DPH6: variants seen among roughly 807,000 people sequenced by gnomAD.
DPH6 encodes the protein diphthine--ammonia ligase.
DPH6 carries 33 observed loss-of-function variants against 38.2 expected under a neutral mutation model. That is an observed-to-expected ratio of 0.86 (90% CI 0.65 to 1.15). The LOEUF (loss-of-function observed/expected upper bound fraction) is 1.15. Among genes scored for constraint, DPH6 ranks in the 50% most tolerant of loss-of-function variants. The pLI is 0.00. For synonymous variants in DPH6, 108 were observed against 103.0 expected (o/e 1.05, Z -0.30); for missense variants, 325 against 320.0 (o/e 1.02, Z -0.12).
chr15:35,390,371 T>G (rs559437787), intron 6 of DPH6, among the ~76,000 whole-genome samples: 8 of 152,160 alleles, frequency 5.3e-5, no homozygotes, highest in Admixed American at 2.0e-4. Context: ...TGTATTTCCT[T>G]AATTTGAATG....
At chr15:35,445,675 T>C (rs1323639912) in intron 5 of DPH6, among the ~76,000 whole-genome samples, 2 of 152,176 alleles carry the variant, frequency 1.3e-5, no homozygotes, top group Admixed American at 6.5e-5. Context: ...TTATAAAAGG[T>C]TGAAATTTAT....
At chr15:35,257,499 T>C (rs1469881015) in intron 3 of DPH6, among the ~76,000 whole-genome samples, 2 of 152,118 alleles carry the variant, frequency 1.3e-5, no homozygotes, top group Admixed American at 1.3e-4. Flanking sequence ...TAATAATATG[T>C]TGTTGAGGGA....
chr15:35,303,303 T>G (rs1039402477), intron 3 of DPH6, among the ~76,000 whole-genome samples: 2 of 151,834 alleles, frequency 1.3e-5, no homozygotes, highest in African/African-American at 4.8e-5. Context: ...ATGAAAGTAA[T>G]ACAATTTATT....
chr15:35,158,354 T>C, the DPH6 span, among the ~76,000 whole-genome samples: 1 of 152,136 alleles, frequency 6.6e-6, no homozygotes, highest in East Asian at 1.9e-4. Flanking sequence ...TCAACAAAAT[T>C]ACATTTGCTA....
intron 3 of DPH6, among the ~76,000 whole-genome samples, chr15:35,259,122 G>A (rs375017079): frequency 2.0e-5 from 3 of 148,316 alleles, no homozygotes; most frequent in Non-Finnish European, 3.0e-5. Context: ...TCCAGCCTGG[G>A]GGACACAGCA....
chr15:35,164,266 C>G, the DPH6 span, among the ~76,000 whole-genome samples: 3 of 151,734 alleles, frequency 2.0e-5, no homozygotes, highest in East Asian at 5.8e-4. Flanking sequence ...TTTATCAGGG[C>G]CAAATTTAGC....
intron 3 of DPH6, chr15:35,298,603 C>T (rs2052031301): frequency 1.2e-5 from 10 of 839,336 alleles, no homozygotes; most frequent in East Asian, 7.2e-5. Context: ...CATCTTTCTC[C>T]GTGGCGTCAC....
chr15:35,158,255 G>A, the DPH6 span, among the ~76,000 whole-genome samples: 1 of 152,068 alleles, frequency 6.6e-6, no homozygotes, highest in South Asian at 2.1e-4. Flanking sequence ...GCTACCACTT[G>A]AATGAACTAA....
chr15:35,169,995 G>A, the DPH6 span, among the ~76,000 whole-genome samples: 3 of 152,104 alleles, frequency 2.0e-5, no homozygotes, highest in Non-Finnish European at 2.9e-5. Flanking sequence ...GAATTCAAAT[G>A]CACCTATAGC....
chr15:35,387,504 C>T (rs553809866), intron 6 of DPH6, among the ~76,000 whole-genome samples: 2 of 152,178 alleles, frequency 1.3e-5, no homozygotes, highest in Non-Finnish European at 2.9e-5. Flanking sequence ...TGTTTGTATC[C>T]TCTTTTATTT....
chr15:35,306,657 T>C (rs2052094331), intron 3 of DPH6, among the ~76,000 whole-genome samples: 1 of 152,262 alleles, frequency 6.6e-6, no homozygotes, highest in Non-Finnish European at 1.5e-5. Context: ...TTTGGGGCCT[T>C]ACATAACCTC....
chr15:35,538,698 A>G, intron 2 of DPH6, among the ~76,000 whole-genome samples: 1 of 152,196 alleles, frequency 6.6e-6, no homozygotes, highest in South Asian at 2.1e-4. Flanking sequence ...TTACAAATAC[A>G]AATGTATTAA....
intron 6 of DPH6, among the ~76,000 whole-genome samples, chr15:35,393,160 A>C (rs1301848087): frequency 6.6e-6 from 1 of 152,184 alleles, no homozygotes; most frequent in Non-Finnish European, 1.5e-5. Context: ...GTAAGTCTAG[A>C]AGCAAAAAGA....
chr15:35,468,574 G>A (rs140208909), intron 3 of DPH6, among the ~76,000 whole-genome samples: 7 of 152,194 alleles, frequency 4.6e-5, no homozygotes, highest in Non-Finnish European at 8.8e-5. Context: ...TGGGGTGGGG[G>A]TCAAGACTAA....
At chr15:35,528,455 A>G (rs567611190) in intron 3 of DPH6, among the ~76,000 whole-genome samples, 1 of 152,308 alleles carries the variant, frequency 6.6e-6, no homozygotes, top group East Asian at 1.9e-4. Flanking sequence ...AAGGTACCTT[A>G]TATAGACTTT....
At chr15:35,417,060 A>G (rs1170171940) in intron 5 of DPH6, among the ~76,000 whole-genome samples, 2 of 152,098 alleles carry the variant, frequency 1.3e-5, no homozygotes, top group Non-Finnish European at 2.9e-5. Context: ...CATAAATATC[A>G]AACTATTAAT....
chr15:35,227,183 T>TG (rs1266663033), intron 3 of DPH6, among the ~76,000 whole-genome samples: 1 of 130,132 alleles, frequency 7.7e-6, no homozygotes, highest in African/African-American at 3.0e-5. Context: ...TCTTTTTTTT[T>TG]TTTTTTTTTT....
chr15:35,258,831 C>G (rs529177726), intron 3 of DPH6, among the ~76,000 whole-genome samples: 2 of 152,196 alleles, frequency 1.3e-5, no homozygotes, highest in African/African-American at 4.8e-5. Flanking sequence ...GCCCCTAGAA[C>G]TCCATATGCA....
At chr15:35,402,350 A>C (rs1380905800) in intron 6 of DPH6, among the ~76,000 whole-genome samples, 1 of 152,202 alleles carries the variant, frequency 6.6e-6, no homozygotes, top group Non-Finnish European at 1.5e-5. Context: ...ATTGGTTATA[A>C]AAATGATTGT....
Sources: gnomAD v4.1 joint callset for allele counts (sites outside exome capture counted in the v4.1 genomes callset) on GRCh38, gnomAD v4.1.1 for gene constraint, MANE v1.5 for transcripts, NCBI Gene and HGNC (gene_info 2026-07-23, HGNC 2026-07-21) for gene names.